RSPH14: variants seen among roughly 807,000 people sequenced by gnomAD.
The protein encoded by RSPH14 is radial spoke head 14 homolog, also known as rhabdoid tumor deletion region gene 1.
A neutral mutation model predicts 26.7 loss-of-function variants in RSPH14; 20 were observed. The ratio of observed to expected loss-of-function variants is 0.75; its 90% CI spans 0.53 to 1.09. The LOEUF (loss-of-function observed/expected upper bound fraction) is 1.09, where lower values mean the gene tolerates loss of function less well. Ranked by LOEUF, RSPH14 falls within the 50% of genes least tolerant of loss-of-function variation. The pLI, the probability that RSPH14 is intolerant of heterozygous loss-of-function variation, is 0.00. For missense variants in RSPH14, 449 were observed against 457.2 expected (o/e 0.98, Z 0.16); for synonymous variants, 177 against 189.3 (o/e 0.93, Z 0.53).
intron 4 of RSPH14, among the ~76,000 whole-genome samples, chr22:23,126,865 C>T (rs1051962709): frequency 6.6e-6 from 1 of 152,226 alleles, no homozygotes; most frequent in South Asian, 2.1e-4. Context: ...TTGCCATCCT[C>T]ACCTATAGCC....
upstream of RSPH14, among the ~76,000 whole-genome samples, chr22:23,143,907 A>G (rs183062078): frequency 2.4e-4 from 36 of 152,280 alleles, 1 homozygote; most frequent in Middle Eastern, 0.01. Context: ...CCTGGCACAC[A>G]TGGCAAAACC....
chr22:23,129,150 T>TG (rs1200554402), intron 4 of RSPH14, among the ~76,000 whole-genome samples: 1 of 151,796 alleles, frequency 6.6e-6, no homozygotes, highest in Non-Finnish European at 1.5e-5. Flanking sequence ...GGACACCACC[T>TG]GGGGCACAGT....
chr22:23,163,606 G>GCACCCCCC, the RSPH14 span: 2 of 125,228 alleles, frequency 1.6e-5, no homozygotes, highest in Non-Finnish European at 3.6e-5. Flanking sequence ...CAAGGTGAAA[G>GCACCCCCC]CCCCCCCCCC....
upstream of RSPH14, chr22:23,145,301 T>C (rs2146467762): frequency 3.9e-6 from 5 of 1,288,766 alleles, no homozygotes; most frequent in African/African-American, 1.5e-5. Context: ...TCTCCGGCTC[T>C]CCAGGGTGTC....
Position 23,138,804 on chromosome 22 carries a change from G to C in RSPH14, c.302+36C>G, listed in dbSNP as rs779052557. The C allele has an allele frequency of 4.6e-6, 7 of 1,516,258 alleles. No homozygotes were observed. The East Asian group carries it at 7.4e-5, about 16-fold the overall frequency. The allele number at this position is 1,516,258 out of a possible 1,614,324, so 93.9% of individuals were successfully genotyped here. A position where few individuals can be genotyped will look rare whatever the true frequency, so the allele number is the denominator to read the frequency against. On this transcript the variant is annotated intron_variant, in intron 3 of 6. Coordinates refer to ENST00000216036, the MANE Select transcript of RSPH14 (RefSeq NM_014433.3). ...TCCACCCAGGGGAGAAGTGCGGCTC[G>C]CAAGCGTCACACTGGTTTCCAGAAC...
intron 4 of RSPH14, among the ~76,000 whole-genome samples, chr22:23,074,757 G>A (rs559281931): frequency 6.6e-6 from 1 of 152,288 alleles, no homozygotes; most frequent in South Asian, 2.1e-4. Flanking sequence ...GGCGCCTCGG[G>A]AGGCTGGAGA....
At chr22:23,083,557 G>T (rs1468407863) in intron 4 of RSPH14, among the ~76,000 whole-genome samples, 1 of 152,210 alleles carries the variant, frequency 6.6e-6, no homozygotes, top group Non-Finnish European at 1.5e-5. Context: ...GAGGGAAGCA[G>T]AGCTGGTGCT....
At chr22:23,133,995 C>T (rs756420234) in intron 4 of RSPH14, 31 bp downstream of exon 4, 5 of 1,548,910 alleles carry the variant, frequency 3.2e-6, no homozygotes, top group East Asian at 2.3e-5. Context: ...CTTGAGTGCC[C>T]GACAGATCTG....
chr22:23,061,831 C>T lies in RSPH14; in HGVS notation c.768G>A (p.Met256Ile), dbSNP rs2068101392. 1 of 1,614,012 alleles carries T rather than the reference C, an allele frequency of 6.2e-7. No individual in the cohort carries two copies. The highest frequency in any genetic ancestry group is 8.5e-7 in the Non-Finnish European group (1 of 1,180,028). The change falls in exon 6 of 7, where the codon ATG (methionine) becomes ATA (isoleucine). Residue 256 changes from methionine to isoleucine, a missense_variant. Transcript: ENST00000216036. The stretch of plus-strand genomic sequence containing the variant: ...CACCTTCAGTGATCACTGTGGCGAA[C>T]ATCAGGGCACCGGCAGCGTTAGACT... ...HVKSNAAGAL[M>I]FATVITEGKY...
At chr22:23,148,921 A>G (rs117530980), upstream of RSPH14, among the ~76,000 whole-genome samples, 74 of 152,350 alleles carry the variant, frequency 4.9e-4, 1 homozygote, top group Middle Eastern at 3.4e-3. Flanking sequence ...GCTCACCTGC[A>G]TTATTCAGTT....
chr22:23,124,457 C>T (rs1668607503), intron 4 of RSPH14: 1 of 460,350 alleles, frequency 2.2e-6, no homozygotes, highest in Admixed American at 2.4e-5. Context: ...ACGTGTTGTA[C>T]ATAAGCCTCT....
intron 4 of RSPH14, among the ~76,000 whole-genome samples, chr22:23,129,188 A>G (rs2070250156): frequency 1.3e-5 from 2 of 151,946 alleles, no homozygotes; most frequent in South Asian, 4.1e-4. Flanking sequence ...AGGCCACGAC[A>G]CTCAGTGTAC....
intron 4 of RSPH14, among the ~76,000 whole-genome samples, chr22:23,079,260 A>G (rs968681602): frequency 3.9e-5 from 6 of 152,222 alleles, no homozygotes; most frequent in African/African-American, 1.4e-4. Context: ...GTCATTTTCC[A>G]TCGTAAATAG....
chr22:23,067,978 T>C (rs959087861), intron 4 of RSPH14, among the ~76,000 whole-genome samples: 10 of 152,248 alleles, frequency 6.6e-5, no homozygotes, highest in African/African-American at 2.2e-4. Flanking sequence ...GGACCACGCC[T>C]ACTGTAAACA....
At chr22:23,088,959 AC>A (rs2068888389) in intron 4 of RSPH14, among the ~76,000 whole-genome samples, 1 of 152,164 alleles carries the variant, frequency 6.6e-6, no homozygotes, top group African/African-American at 2.4e-5. Context: ...CAGTCTGGGT[AC>A]AGTTCCGTCT....
chr22:23,062,091 T>G, intron 5 of RSPH14, 146 bp from the exon 6 acceptor site: 1 of 1,001,192 alleles, frequency 1.0e-6, no homozygotes, highest in Non-Finnish European at 1.5e-6. Flanking sequence ...GATCCAGGAC[T>G]GGTCATGGCA....
intron 4 of RSPH14, among the ~76,000 whole-genome samples, chr22:23,087,931 T>G (rs2146292709): frequency 6.6e-6 from 1 of 152,334 alleles, no homozygotes; most frequent in East Asian, 1.9e-4. Context: ...TAATTTCTAA[T>G]CTTGTGGCTA....
the RSPH14 span, among the ~76,000 whole-genome samples, chr22:23,154,549 G>C: frequency 2.6e-5 from 4 of 152,214 alleles, no homozygotes; most frequent in South Asian, 4.1e-4. Flanking sequence ...AGGGCCAGTG[G>C]GGGTAGCTGA....
At chr22:23,168,638 TG>T in the RSPH14 span, among the ~76,000 whole-genome samples, 2 of 152,176 alleles carry the variant, frequency 1.3e-5, no homozygotes, top group South Asian at 4.1e-4. Context: ...AGGAAACTGA[TG>T]AGCAGCCAGG....
Sources: allele counts gnomAD v4.1 joint callset (sites outside exome capture counted in the v4.1 genomes callset), GRCh38; gene constraint gnomAD v4.1.1; transcripts MANE v1.5; gene names NCBI Gene and HGNC (gene_info 2026-07-23, HGNC 2026-07-21).